Variants in UST observed in about 807,000 individuals in gnomAD.
UST encodes chondroitin sulfate 2-O-sulfotransferase.
Under a neutral mutation model 45.6 loss-of-function variants are expected in UST, and 21 were observed. That is an observed-to-expected ratio of 0.46 (90% confidence interval 0.33 to 0.66). The LOEUF (loss-of-function observed/expected upper bound fraction) is 0.66. Among genes scored for constraint, UST ranks in the 30% least tolerant of loss-of-function variants. The pLI is 0.02. For synonymous variants in UST, 215 were observed against 200.6 expected (o/e 1.07, Z -0.61); for missense variants, 463 against 512.4 (o/e 0.90, Z 0.93).
At chr6:148,771,976 G>C (rs1271348544) in intron 1 of UST, among the ~76,000 whole-genome samples, 1 of 152,174 alleles carries the variant, frequency 6.6e-6, no homozygotes, top group Non-Finnish European at 1.5e-5. Flanking sequence ...GAATCATAGG[G>C]ACAATACCTC....
intron 5 of UST, among the ~76,000 whole-genome samples, chr6:148,969,734 G>A (rs1780876466): frequency 6.6e-6 from 1 of 152,148 alleles, no homozygotes; most frequent in Non-Finnish European, 1.5e-5. Context: ...TGGGGCTCAG[G>A]ACATACTGGG....
At chr6:149,025,405 T>A (rs1776036451) in intron 7 of UST, among the ~76,000 whole-genome samples, 1 of 152,196 alleles carries the variant, frequency 6.6e-6, no homozygotes, top group South Asian at 2.1e-4. Flanking sequence ...GTACTTGAGA[T>A]GAAATAAAAA....
At chr6:149,045,084 T>C (rs746677947) in intron 7 of UST, among the ~76,000 whole-genome samples, 1 of 152,204 alleles carries the variant, frequency 6.6e-6, no homozygotes, top group Non-Finnish European at 1.5e-5. Context: ...TATAATCTAG[T>C]CCTACTTTCA....
At chr6:148,814,175 C>A (rs77293863) in intron 1 of UST, among the ~76,000 whole-genome samples, 1,890 of 152,234 alleles carry the variant, frequency 0.012, 37 homozygotes, top group African/African-American at 0.043. Context: ...ACACAGTTTG[C>A]ATTGATGATG....
intron 5 of UST, 133 bp downstream of exon 5, chr6:148,964,696 T>C (rs1322926770): frequency 8.5e-7 from 1 of 1,182,736 alleles, no homozygotes; most frequent in East Asian, 2.5e-5. Flanking sequence ...GAGAGGGTGC[T>C]TCCGCAGGAA....
intron 1 of UST, among the ~76,000 whole-genome samples, chr6:148,784,725 A>C (rs1030032123): frequency 4.6e-5 from 7 of 152,234 alleles, no homozygotes; most frequent in Non-Finnish European, 1.0e-4. Flanking sequence ...TGTTGAATGA[A>C]TTGATGAATA....
intron 1 of UST, among the ~76,000 whole-genome samples, chr6:148,872,870 TG>T (rs1270119163): frequency 6.6e-6 from 1 of 152,210 alleles, no homozygotes; most frequent in East Asian, 1.9e-4. Flanking sequence ...ACAAGGACAC[TG>T]TGATTACATT....
At chr6:148,882,436 A>C (rs1175270258) in intron 1 of UST, among the ~76,000 whole-genome samples, 3 of 143,010 alleles carry the variant, frequency 2.1e-5, no homozygotes, top group Non-Finnish European at 4.5e-5. Flanking sequence ...CAGTGAGCCG[A>C]GATTGCGCCG....
intron 1 of UST, among the ~76,000 whole-genome samples, chr6:148,787,848 A>C (rs1345249713): frequency 6.6e-6 from 1 of 152,200 alleles, no homozygotes; most frequent in Non-Finnish European, 1.5e-5. Flanking sequence ...CAGTGCTATT[A>C]AAAAATTGTA....
At chr6:148,775,534 A>C (rs764340088) in intron 1 of UST, among the ~76,000 whole-genome samples, 13 of 152,188 alleles carry the variant, frequency 8.5e-5, no homozygotes, top group Non-Finnish European at 1.8e-4. Context: ...ACCTCTGTGT[A>C]TGTGTATGTG....
At chr6:148,844,966 G>GT (rs992846485) in intron 1 of UST, among the ~76,000 whole-genome samples, 83 of 151,714 alleles carry the variant, frequency 5.5e-4, no homozygotes, top group African/African-American at 1.6e-3. Flanking sequence ...CATTGTTGTT[G>GT]TTTTTTTTAA....
intron 5 of UST, chr6:149,005,586 T>C (rs1048407169): frequency 2.0e-5 from 20 of 985,328 alleles, no homozygotes; most frequent in Admixed American, 1.2e-4. Context: ...TGGTACTCAG[T>C]AAAGGTTAGT....
intron 5 of UST, among the ~76,000 whole-genome samples, chr6:148,971,682 C>T (rs979113283): frequency 3.3e-5 from 5 of 152,112 alleles, no homozygotes; most frequent in African/African-American, 1.2e-4. Context: ...TGCAGCAGGG[C>T]GAGCTGAGGA....
At chr6:148,980,261 G>A (rs1269941472) in intron 5 of UST, among the ~76,000 whole-genome samples, 1 of 151,994 alleles carries the variant, frequency 6.6e-6, no homozygotes, top group African/African-American at 2.4e-5. Flanking sequence ...AATCTAGTCA[G>A]TCCAATCAGC....
At chr6:149,007,089 G>A (rs1775728346) in intron 5 of UST, among the ~76,000 whole-genome samples, 1 of 146,830 alleles carries the variant, frequency 6.8e-6, no homozygotes, top group African/African-American at 2.5e-5. Flanking sequence ...ATTCCAAAAA[G>A]TGATCAAGAC....
At chr6:148,791,474 TAAG>T (rs1776846586) in intron 1 of UST, among the ~76,000 whole-genome samples, 1 of 152,322 alleles carries the variant, frequency 6.6e-6, no homozygotes, top group African/African-American at 2.4e-5. Context: ...GGACAACACA[TAAG>T]AAGTGCGTAG....
At chr6:148,914,453 G>T (rs1384014578) in intron 2 of UST, among the ~76,000 whole-genome samples, 27 of 152,116 alleles carry the variant, frequency 1.8e-4, no homozygotes, top group Admixed American at 1.8e-3. Context: ...AGATGGTCAG[G>T]CATTAGATTC....
intron 5 of UST, among the ~76,000 whole-genome samples, chr6:148,966,525 A>C (rs1780801963): frequency 6.6e-6 from 1 of 152,204 alleles, no homozygotes; most frequent in Non-Finnish European, 1.5e-5. Flanking sequence ...ATACAGAAAC[A>C]CGTCTTATGA....
At chr6:148,957,626 G>T (rs1780544238) in intron 4 of UST, among the ~76,000 whole-genome samples, 1 of 152,228 alleles carries the variant, frequency 6.6e-6, no homozygotes, top group East Asian at 1.9e-4. Flanking sequence ...TGGAGACAGG[G>T]TTTCACCATG....
Sources: gnomAD v4.1 joint callset for allele counts (sites outside exome capture counted in the v4.1 genomes callset) on GRCh38, gnomAD v4.1.1 for gene constraint, MANE v1.5 for transcripts, NCBI Gene and HGNC (gene_info 2026-07-23, HGNC 2026-07-21) for gene names.